Variants in RFC2 observed in about 807,000 individuals in gnomAD.
RFC2 encodes the protein replication factor C subunit 2, also known as A1 40 kDa subunit.
Under a neutral mutation model 44.8 loss-of-function variants are expected in RFC2, and 34 were observed. The ratio of observed to expected loss-of-function variants is 0.76; its 90% CI spans 0.58 to 1.01. RFC2 has a LOEUF of 1.01. Among genes scored for constraint, RFC2 ranks in the 50% least tolerant of loss-of-function variants. The pLI is 0.00. For missense variants in RFC2, 400 were observed against 453.6 expected, an observed-to-expected ratio of 0.88 and a Z score of 1.07; for synonymous variants, 177 against 168.9, an observed-to-expected ratio of 1.05 and a Z score of -0.37.
rs576308239 is a variant in RFC2, at chr7:74,238,215, G to A, written c.759+708C>T. Among the ~76,000 whole-genome samples the A allele has an allele frequency of 1.2e-4, 18 of 152,180 alleles. No individual in the cohort carries two copies. In the South Asian group the frequency reaches 3.5e-3, roughly 30 times the overall value. ...GATCTACCCAGATGCTTCAAAAATC[G>A]CTTGTCTGTTGTCCACAAACCTGGT... On this transcript the variant is annotated intron_variant, in intron 8 of 10. Coordinates refer to ENST00000055077, the MANE Select transcript of RFC2 (RefSeq NM_181471.3). The surrounding 1 kb of genome is among the most constrained non-coding windows in gnomAD (Gnocchi z 4.0).
At chr7:74,237,751 G>T (rs989230482) in intron 8 of RFC2, among the ~76,000 whole-genome samples, 1 of 152,092 alleles carries the variant, frequency 6.6e-6, no homozygotes, top group Admixed American at 6.6e-5. Context: ...AGATCACTTG[G>T]GGGGTCAGTT....
chr7:74,254,388 G>A lies in RFC2; in HGVS notation c.-5C>T, dbSNP rs1215338280. 25 of 1,583,230 alleles carry A rather than the reference G, an allele frequency of 1.6e-5. No individual in the cohort carries two copies. The highest frequency in any genetic ancestry group is 9.5e-6 in the Non-Finnish European group (11 of 1,161,226). On this transcript the variant is annotated 5_prime_UTR_variant, in exon 1 of 11. Coordinates refer to ENST00000055077, the MANE Select transcript of RFC2 (RefSeq NM_181471.3). ...ACAGACGGCCTCCACCTCCATTCTC[G>A]CGCCTCCTCTTCCCGCCACCCGAGG...
rs1803153715 is a variant in RFC2 at position 74,238,701 on chromosome 7, C to T, written c.759+222G>A. On this transcript the variant is annotated intron_variant, in intron 8 of 10. Transcript: ENST00000055077. The surrounding 1 kb of genome is among the most constrained non-coding windows in gnomAD (Gnocchi z 4.0). The stretch of plus-strand genomic sequence containing the variant: ...GTCTGATGCATCCGTGGTCCTCCCT[C>T]ACCTACCACACACAAGTGACGTTCC... 6.6e-6 allele frequency among the ~76,000 whole-genome samples: 1 copy of T among 152,192 alleles called. No individual in the cohort carries two copies. The highest frequency in any genetic ancestry group is 2.1e-4 in the South Asian group (1 of 4,830).
intron 6 of RFC2, among the ~76,000 whole-genome samples, chr7:74,242,814 G>A (rs964976274): frequency 1.3e-5 from 2 of 150,786 alleles, no homozygotes; most frequent in Admixed American, 6.6e-5. Context: ...TCCCAGCTAC[G>A]CAGGAGGCTG....
intron 2 of RFC2, among the ~76,000 whole-genome samples, chr7:74,251,701 G>A (rs1216882012): frequency 2.6e-5 from 4 of 150,996 alleles, no homozygotes; most frequent in African/African-American, 9.8e-5. Flanking sequence ...GGGAGGCTGA[G>A]GCAGAAGAAT....
Position 74,249,979 on chromosome 7 carries a change from C to CT in RFC2, c.184-200dup, listed in dbSNP as rs555974308. On this transcript the variant is annotated intron_variant, in intron 2 of 10. Coordinates refer to ENST00000055077, the MANE Select transcript of RFC2 (RefSeq NM_181471.3). ...CCAGCCTGGGCAACACAGTGAGACT[C>CT]TGTCTCCTCAAAAAATAAACAAAAT... 427 of 598,806 alleles carry CT rather than the reference C, an allele frequency of 7.1e-4. 3 individuals are homozygous for CT. Among genetic ancestry groups the CT allele is most frequent in the African/African-American group, 7.0e-3 (376 of 53,862 alleles). The allele number at this position is 598,806 out of a possible 1,614,324, so 37.1% of individuals were successfully genotyped here.
At chr7:74,253,490 C>G (rs922889595) in intron 1 of RFC2, 1 of 152,098 alleles carries the variant, frequency 6.6e-6, no homozygotes, top group Non-Finnish European at 1.5e-5. Flanking sequence ...TTTGGGAAGG[C>G]GAGGCGGACG....
chr7:74,246,721 T>C lies in RFC2; in HGVS notation c.375A>G (p.Gln125=). 6.2e-7 allele frequency: 1 copy of C among 1,613,458 alleles called. No individual in the cohort carries two copies. Among genetic ancestry groups the C allele is most frequent in the Non-Finnish European group, 8.5e-7 (1 of 1,179,630 alleles). Reference sequence around the variant, plus strand: ...GGCCTTTGGGAAGAGTGACTTTTTGTTGAGCAAACATTTTAATTTTATTCC... The same window carrying C: ...GGCCTTTGGGAAGAGTGACTTTTTGCTGAGCAAACATTTTAATTTTATTCC... ...VVRNKIKMFA[Q]QKVTLPKGRH... Residue 125 remains glutamine (Q), a synonymous_variant, in exon 5 of 11, where the codon CAA becomes CAG. Transcript: ENST00000055077.
intron 2 of RFC2, among the ~76,000 whole-genome samples, chr7:74,251,144 A>G (rs1280011000): frequency 6.6e-6 from 1 of 151,890 alleles, no homozygotes; most frequent in Admixed American, 6.6e-5. Context: ...CTCACTATGA[A>G]GCCCAAACTC....
At chr7:74,233,887 G>A (rs1554717751) in intron 10 of RFC2, 1 of 456,468 alleles carries the variant, frequency 2.2e-6, no homozygotes, top group South Asian at 1.5e-5. Context: ...AAAACCGTTT[G>A]GCAGTTCCTT....
At chr7:74,244,639 G>A (rs1378768218) in intron 5 of RFC2, among the ~76,000 whole-genome samples, 10 of 151,462 alleles carry the variant, frequency 6.6e-5, no homozygotes, top group African/African-American at 2.4e-4. Flanking sequence ...AAAGTGCTGG[G>A]ATTACAGGTG....
At chr7:74,253,919 G>A (rs1554721482) in intron 1 of RFC2, among the ~76,000 whole-genome samples, 1 of 152,150 alleles carries the variant, frequency 6.6e-6, no homozygotes, top group African/African-American at 2.4e-5. Context: ...TTTTCAACAT[G>A]TAATCGATAT....
intron 5 of RFC2, among the ~76,000 whole-genome samples, chr7:74,245,995 G>C (rs1444230424): frequency 2.6e-5 from 4 of 151,810 alleles, no homozygotes; most frequent in Admixed American, 2.6e-4. Flanking sequence ...AGGAGATTGA[G>C]ACCACCCTGG....
At position 74,246,766 on chromosome 7, in the gene RFC2, GA is replaced by G. The variant is rs1554720106; in HGVS notation, c.333-4del. 1.2e-6 allele frequency: 2 copies of G among 1,604,070 alleles called. No homozygotes were observed. Among genetic ancestry groups the G allele is most frequent in the Non-Finnish European group, 1.7e-6 (2 of 1,172,262 alleles). Reference sequence around the variant, plus strand: ...TATTCCTCACAACGTCAATGCCCCTGAAAGAATGACAGGTTTTTACTGGCAC... The same window carrying G: ...TATTCCTCACAACGTCAATGCCCCTGAAGAATGACAGGTTTTTACTGGCAC... On this transcript the variant is annotated splice_region_variant and splice_polypyrimidine_tract_variant and intron_variant, in intron 4 of 10. Coordinates refer to ENST00000055077, the MANE Select transcript of RFC2 (RefSeq NM_181471.3).
chr7:74,243,406 C>T (rs184479739), intron 5 of RFC2, among the ~76,000 whole-genome samples, 160 bp from the exon 6 acceptor site: 4 of 152,062 alleles, frequency 2.6e-5, no homozygotes, highest in African/African-American at 4.8e-5. Context: ...ACCTGCAGGC[C>T]GCTCTCTCAA....
chr7:74,239,642 A>AT (rs1458839893), intron 7 of RFC2, among the ~76,000 whole-genome samples: 1 of 151,782 alleles, frequency 6.6e-6, no homozygotes, highest in Non-Finnish European at 1.5e-5. Context: ...TGCCTGGCTA[A>AT]TTTTTTAATT....
chr7:74,250,378 A>G (rs939697968), intron 2 of RFC2, among the ~76,000 whole-genome samples: 29 of 151,848 alleles, frequency 1.9e-4, no homozygotes, highest in African/African-American at 6.8e-4. Flanking sequence ...GCAGCCTCCA[A>G]TTCCCAGGCT....
Position 74,238,735 on chromosome 7 carries a change from C to T in RFC2, c.759+188G>A, listed in dbSNP as rs1466308703. 2.0e-5 allele frequency among the ~76,000 whole-genome samples: 3 copies of T among 152,130 alleles called. No homozygotes were observed. The highest frequency in any genetic ancestry group is 4.8e-5 in the African/African-American group (2 of 41,428). On this transcript the variant is annotated intron_variant, in intron 8 of 10. Coordinates refer to ENST00000055077, the MANE Select transcript of RFC2 (RefSeq NM_181471.3). The surrounding 1 kb of genome is among the most constrained non-coding windows in gnomAD (Gnocchi z 4.0). ...CACACAAGTGACGTTCCAGGTCCCC[C>T]GAAACTCTCCAGCTTGTGCAGCAAA...
chr7:74,250,150 CAAAAACAAAAAAAA>C (rs1414926223), intron 2 of RFC2, among the ~76,000 whole-genome samples: 1 of 132,296 alleles, frequency 7.6e-6, no homozygotes, highest in Non-Finnish European at 1.6e-5. Context: ...GACCCTGTCT[CAAAAACAAAAAAAA>C]AAAAACACAA....
Sources: allele counts gnomAD v4.1 joint callset (sites outside exome capture counted in the v4.1 genomes callset), GRCh38; gene constraint gnomAD v4.1.1; non-coding constraint Gnocchi (gnomAD v3.1); transcripts MANE v1.5; gene names NCBI Gene and HGNC (gene_info 2026-07-23, HGNC 2026-07-21).